Variants in WDR72 observed in about 807,000 individuals in gnomAD.
The protein encoded by WDR72 is WD repeat-containing protein 72.
A neutral mutation model predicts 124.2 loss-of-function variants in WDR72; 120 were observed. The observed-to-expected ratio is 0.97, with a 90% CI of 0.83 to 1.12. The LOEUF (loss-of-function observed/expected upper bound fraction) is 1.12. Ranked by LOEUF, WDR72 falls within the 50% of genes most tolerant of loss-of-function variation. The pLI is 0.00. For missense variants in WDR72, 1,387 were observed against 1,278.8 expected (o/e 1.08, Z -1.29); for synonymous variants, 452 against 441.7 (o/e 1.02, Z -0.29).
chr15:53,710,881 G>A lies in WDR72; in HGVS notation c.930C>T (p.Cys310=), dbSNP rs1166504434. 4.3e-5 allele frequency: 70 copies of A among 1,613,448 alleles called. No homozygotes were observed. Among genetic ancestry groups the A allele is most frequent in the Non-Finnish European group, 5.7e-5 (67 of 1,179,582 alleles). Residue 310 remains cysteine, a synonymous_variant, in exon 9 of 20, where the codon TGC becomes TGT. Coordinates refer to ENST00000360509, the MANE Select transcript of WDR72 (RefSeq NM_182758.4). ...CCTTATTTTCCTGCACAGAAGTAGA[G>A]CACAGTAAATGAGGATAAATGGTCT... The part of the protein sequence containing the change: ...LKETIYPHLL[C]STSVQENKEQ...
intron 1 of WDR72, among the ~76,000 whole-genome samples, chr15:53,740,233 C>A (rs937578550): frequency 6.6e-6 from 1 of 152,034 alleles, no homozygotes; most frequent in African/African-American, 2.4e-5. Flanking sequence ...AGAGATCAGT[C>A]CTTACTTACG....
intron 18 of WDR72, among the ~76,000 whole-genome samples, chr15:53,577,669 G>A (rs11632741): frequency 0.54 from 81,873 of 151,948 alleles, 23,242 homozygotes; most frequent in African/African-American, 0.72. Flanking sequence ...ATGGGAAACA[G>A]TTTCTTTTCC....
chr15:53,675,894 T>C (rs1160207019), intron 13 of WDR72, among the ~76,000 whole-genome samples: 1 of 152,100 alleles, frequency 6.6e-6, no homozygotes, highest in African/African-American at 2.4e-5. Flanking sequence ...AGGAAGGATA[T>C]AGTAGAGATG....
At chr15:53,622,878 C>T (rs926195970) in intron 14 of WDR72, among the ~76,000 whole-genome samples, 8 of 151,900 alleles carry the variant, frequency 5.3e-5, no homozygotes, top group Non-Finnish European at 8.8e-5. Context: ...CATGTACTAC[C>T]CTCCCCGCAA....
intron 18 of WDR72, among the ~76,000 whole-genome samples, chr15:53,579,725 A>G (rs1256924236): frequency 6.6e-6 from 1 of 152,104 alleles, no homozygotes; most frequent in East Asian, 1.9e-4. Flanking sequence ...CCTGCAAATG[A>G]TTCTGACTCA....
In WDR72 at chr15:53,601,900, C is replaced by T. The variant is rs554779222; in HGVS notation, c.2953-4626G>A. Among the ~76,000 whole-genome samples, 4 of 152,254 alleles carry T rather than the reference C, an allele frequency of 2.6e-5. No individual in the cohort carries two copies. In the East Asian group the frequency reaches 7.7e-4, roughly 29 times the overall value. On this transcript the variant is annotated intron_variant, in intron 17 of 19. Coordinates refer to ENST00000360509, the MANE Select transcript of WDR72 (RefSeq NM_182758.4). ...ATCCCCACACAACAATCATGGGAGA[C>T]TTTAACACCCCACTGACAATATTAT...
chr15:53,686,676 C>T (rs1356033028), intron 13 of WDR72, among the ~76,000 whole-genome samples: 1 of 149,522 alleles, frequency 6.7e-6, no homozygotes, highest in East Asian at 2.0e-4. Context: ...AACAAGGATA[C>T]CCAGGAATTG....
At chr15:53,648,123 C>A (rs1003079193) in intron 14 of WDR72, among the ~76,000 whole-genome samples, 1 of 152,116 alleles carries the variant, frequency 6.6e-6, no homozygotes, top group Admixed American at 6.6e-5. Context: ...TTGGTCTATT[C>A]TGCATCCTAT....
intron 18 of WDR72, among the ~76,000 whole-genome samples, chr15:53,547,889 A>G (rs1034171762): frequency 1.3e-5 from 2 of 152,208 alleles, no homozygotes; most frequent in African/African-American, 4.8e-5. Context: ...GGAATGCACA[A>G]AAGAAAACTA....
chr15:53,743,079 G>C (rs2018550983), intron 1 of WDR72, among the ~76,000 whole-genome samples: 1 of 151,816 alleles, frequency 6.6e-6, no homozygotes, highest in African/African-American at 2.4e-5. Context: ...CAGCCAGTAG[G>C]TAAAAAAACA....
intron 1 of WDR72, among the ~76,000 whole-genome samples, chr15:53,746,155 C>T (rs545790905): frequency 1.3e-5 from 2 of 152,296 alleles, no homozygotes; most frequent in South Asian, 2.1e-4. Flanking sequence ...AAGGACAACA[C>T]GCCATTACAG....
Position 53,514,734 on chromosome 15 carries a change from A to G in WDR72, c.*2965T>C, listed in dbSNP as rs1469573808. 6.6e-6 allele frequency: 1 copy of G among 151,916 alleles called. No individual in the cohort carries two copies. The highest frequency in any genetic ancestry group is 1.5e-5 in the Non-Finnish European group (1 of 67,990). The allele number at this position is 151,916 out of a possible 1,614,324, so 9.4% of individuals were successfully genotyped here. On this transcript the variant is annotated 3_prime_UTR_variant, in exon 20 of 20. Transcript: ENST00000360509. ...TCTAACATTATACATTTTTCCTTATATTTGAAGTGTTTAATAGTGCTCACA... is the reference window on the plus strand; with the variant it reads ...TCTAACATTATACATTTTTCCTTATGTTTGAAGTGTTTAATAGTGCTCACA...
At chr15:53,697,681 G>A (rs1266668530) in intron 13 of WDR72, among the ~76,000 whole-genome samples, 1 of 152,004 alleles carries the variant, frequency 6.6e-6, no homozygotes, top group African/African-American at 2.4e-5. Flanking sequence ...GACCCATCTG[G>A]GTTGACTTCA....
intron 14 of WDR72, among the ~76,000 whole-genome samples, chr15:53,645,096 A>G (rs554763450): frequency 6.6e-6 from 1 of 152,212 alleles, no homozygotes; most frequent in East Asian, 1.9e-4. Flanking sequence ...ACTACCAATT[A>G]AAGTGGAGCC....
At chr15:53,647,831 T>C (rs1253794118) in intron 14 of WDR72, among the ~76,000 whole-genome samples, 5 of 152,146 alleles carry the variant, frequency 3.3e-5, no homozygotes, top group Admixed American at 2.0e-4. Context: ...AATATATACA[T>C]GGACAGACAG....
chr15:53,652,863 T>C (rs565989118), intron 14 of WDR72, among the ~76,000 whole-genome samples: 7 of 152,320 alleles, frequency 4.6e-5, no homozygotes, highest in African/African-American at 7.2e-5. Context: ...AAGTGAATCA[T>C]TTCTCCCTAA....
intron 2 of WDR72, among the ~76,000 whole-genome samples, chr15:53,723,721 A>G (rs1008416365): frequency 3.9e-5 from 6 of 152,222 alleles, no homozygotes; most frequent in African/African-American, 1.4e-4. Context: ...ATAGCCTATG[A>G]ACATCTTTCA....
chr15:53,655,259 A>AAAAAAG lies in WDR72; in HGVS notation c.1962+10312_1962+10313insCTTTTT, dbSNP rs1489415634. 2.3e-4 allele frequency among the ~76,000 whole-genome samples: 27 copies of AAAAAAG among 119,528 alleles called. 1 individual carries two copies. The highest frequency in any genetic ancestry group is 5.9e-4 in the East Asian group (2 of 3,394). 78.4% of individuals were successfully genotyped at this position (119,528 alleles called of 152,430 possible). Reference sequence around the variant, plus strand: ...AAAAAAAAAAAAAAAAAAAAAAAAAAAGAGATCTTAAAGACAATTTGTTAC... The same window carrying AAAAAAG: ...AAAAAAAAAAAAAAAAAAAAAAAAAAAAAAAGAGAGATCTTAAAGACAATTTGTTAC... On this transcript the variant is annotated intron_variant, in intron 14 of 19. Coordinates refer to ENST00000360509, the MANE Select transcript of WDR72 (RefSeq NM_182758.4).
intron 13 of WDR72, among the ~76,000 whole-genome samples, chr15:53,685,816 T>C (rs1284495885): frequency 4.2e-5 from 6 of 143,966 alleles, no homozygotes; most frequent in Non-Finnish European, 7.5e-5. Flanking sequence ...GAGAGAAAGG[T>C]CGGGTTACCC....
Sources: allele counts gnomAD v4.1 joint callset (sites outside exome capture counted in the v4.1 genomes callset), GRCh38; gene constraint gnomAD v4.1.1; transcripts MANE v1.5; gene names NCBI Gene and HGNC (gene_info 2026-07-23, HGNC 2026-07-21).